The following LUZP2 variants were observed in gnomAD, a reference collection of about 807,000 sequenced individuals.
The protein encoded by LUZP2 is leucine zipper protein 2.
Under a neutral mutation model 51.6 loss-of-function variants are expected in LUZP2, and 52 were observed. That is an observed-to-expected ratio of 1.01 (90% CI 0.81 to 1.27). The LOEUF is 1.27. LUZP2 is among the 50% of genes most tolerant of loss of function. The pLI is 0.00. For missense variants in LUZP2, 436 were observed against 395.4 expected (o/e 1.10, Z -0.87); for synonymous variants, 154 against 137.3 (o/e 1.12, Z -0.85).
intron 5 of LUZP2, among the ~76,000 whole-genome samples, chr11:24,808,694 C>T (rs1033041785): frequency 6.6e-6 from 1 of 152,126 alleles, no homozygotes; most frequent in Non-Finnish European, 1.5e-5. Flanking sequence ...TGGTCTCCAC[C>T]TTCTGCACTA....
At chr11:24,955,904 A>G (rs2133870104) in intron 7 of LUZP2, among the ~76,000 whole-genome samples, 1 of 152,208 alleles carries the variant, frequency 6.6e-6, no homozygotes, top group Non-Finnish European at 1.5e-5. Flanking sequence ...GGGTTAAAAT[A>G]AAGTTTCATG....
intron 5 of LUZP2, among the ~76,000 whole-genome samples, chr11:24,824,660 C>T (rs1483949179): frequency 1.3e-5 from 2 of 151,682 alleles, no homozygotes; most frequent in South Asian, 2.1e-4. Flanking sequence ...TACAAATTCC[C>T]CCAATAAAGC....
At chr11:24,883,635 A>G (rs112100725) in intron 5 of LUZP2, among the ~76,000 whole-genome samples, 25 of 152,198 alleles carry the variant, frequency 1.6e-4, no homozygotes, top group African/African-American at 5.8e-4. Context: ...ATTAATTCAT[A>G]AACAATAAGT....
intron 7 of LUZP2, among the ~76,000 whole-genome samples, chr11:24,915,850 T>A (rs1458984164): frequency 6.6e-6 from 1 of 152,050 alleles, no homozygotes; most frequent in Non-Finnish European, 1.5e-5. Context: ...AGCACAAAAG[T>A]ATCTATTAAC....
At chr11:24,938,916 A>C (rs1473659516) in intron 7 of LUZP2, among the ~76,000 whole-genome samples, 1 of 152,160 alleles carries the variant, frequency 6.6e-6, no homozygotes, top group East Asian at 1.9e-4. Context: ...TGTTGAAAGA[A>C]AATGCTGATT....
At chr11:24,952,885 G>A (rs1855116874) in intron 7 of LUZP2, among the ~76,000 whole-genome samples, 1 of 151,804 alleles carries the variant, frequency 6.6e-6, no homozygotes, top group Admixed American at 6.6e-5. Context: ...ATTGTCATGG[G>A]TTGAAGAGCT....
rs148273262 is a variant in LUZP2 at position 24,873,371 on chromosome 11, C to A, written c.397-32620C>A. On this transcript the variant is annotated intron_variant, in intron 5 of 11. Coordinates refer to ENST00000336930, the MANE Select transcript of LUZP2 (RefSeq NM_001009909.4). The stretch of plus-strand genomic sequence containing the variant: ...TCACAGATCATTTATATATAATAAG[C>A]CCAGCATAAGTCAGAATGGTAGGGT... 5.3e-3 allele frequency among the ~76,000 whole-genome samples: 813 copies of A among 152,164 alleles called. 10 individuals are homozygous for A. The highest frequency in any genetic ancestry group is 0.019 in the African/African-American group (777 of 41,526).
intron 1 of LUZP2, among the ~76,000 whole-genome samples, chr11:24,706,684 T>A (rs1263918591): frequency 6.6e-6 from 1 of 152,152 alleles, no homozygotes; most frequent in Non-Finnish European, 1.5e-5. Flanking sequence ...ATGTAATACT[T>A]TAGGAGCCAG....
intron 5 of LUZP2, among the ~76,000 whole-genome samples, chr11:24,851,188 G>A (rs1319809475): frequency 1.3e-5 from 2 of 152,146 alleles, no homozygotes; most frequent in Non-Finnish European, 2.9e-5. Context: ...CTTGTCTTGT[G>A]CCCATTTTCA....
At chr11:24,849,496 A>G (rs1334248069) in intron 5 of LUZP2, among the ~76,000 whole-genome samples, 1 of 152,166 alleles carries the variant, frequency 6.6e-6, no homozygotes. Context: ...TCCATGGTGT[A>G]TATGTGCCAC....
At chr11:24,769,791 T>G (rs1407895522) in intron 5 of LUZP2, among the ~76,000 whole-genome samples, 4 of 142,506 alleles carry the variant, frequency 2.8e-5, no homozygotes, top group Non-Finnish European at 5.9e-5. Flanking sequence ...ATTCTCTTTT[T>G]TGTTTGTTTG....
intron 9 of LUZP2, among the ~76,000 whole-genome samples, chr11:24,991,573 GT>G (rs768869757): frequency 2.0e-5 from 3 of 151,416 alleles, no homozygotes; most frequent in Non-Finnish European, 4.4e-5. Context: ...TTTTTCCTCT[GT>G]ATAGGTAGCC....
chr11:24,542,945 A>G (rs190772272), intron 1 of LUZP2, among the ~76,000 whole-genome samples: 1 of 151,892 alleles, frequency 6.6e-6, no homozygotes, highest in African/African-American at 2.4e-5. Context: ...AAACTAGAAA[A>G]ATTTAGAATG....
intron 5 of LUZP2, among the ~76,000 whole-genome samples, chr11:24,829,755 G>A (rs1327182650): frequency 3.9e-5 from 6 of 152,164 alleles, no homozygotes; most frequent in African/African-American, 1.4e-4. Flanking sequence ...ATGCTGTGAG[G>A]TTCTAGAGAG....
At chr11:24,769,786 C>CTCTTTTT (rs764723270) in intron 5 of LUZP2, among the ~76,000 whole-genome samples, 7 of 146,938 alleles carry the variant, frequency 4.8e-5, no homozygotes, top group Admixed American at 2.0e-4. Context: ...ACTAAATTCT[C>CTCTTTTT]TTTTTTGTTT....
chr11:24,893,865 C>A (rs993977572), intron 5 of LUZP2, among the ~76,000 whole-genome samples: 2 of 151,744 alleles, frequency 1.3e-5, no homozygotes, highest in African/African-American at 4.8e-5. Flanking sequence ...AAATTGTTTT[C>A]CTCTAAGAAC....
intron 1 of LUZP2, among the ~76,000 whole-genome samples, chr11:24,522,900 T>C (rs16912682): frequency 0.09 from 13,664 of 152,044 alleles, 612 homozygotes; most frequent in East Asian, 0.1. Flanking sequence ...ATATCTACAT[T>C]CAGAAAAATA....
intron 10 of LUZP2, among the ~76,000 whole-genome samples, chr11:25,073,637 G>A (rs1195638347): frequency 1.3e-5 from 2 of 151,804 alleles, no homozygotes; most frequent in Non-Finnish European, 2.9e-5. Context: ...AGGAGCATTC[G>A]TAAGAAACGT....
chr11:24,709,033 C>CT (rs1476965534), intron 1 of LUZP2, among the ~76,000 whole-genome samples: 6 of 152,140 alleles, frequency 3.9e-5, no homozygotes, highest in Non-Finnish European at 5.9e-5. Context: ...AAATGATTGT[C>CT]ACATCTAGAA....
Sources: allele counts gnomAD v4.1 joint callset (sites outside exome capture counted in the v4.1 genomes callset), GRCh38; gene constraint gnomAD v4.1.1; transcripts MANE v1.5; gene names NCBI Gene and HGNC (gene_info 2026-07-23, HGNC 2026-07-21).